Variants in TBX15 observed in about 807,000 individuals in gnomAD.
TBX15 encodes the protein T-box transcription factor 15, also known as T-box transcription factor TBX15.
TBX15 carries 18 observed loss-of-function variants against 53.9 expected under a neutral mutation model. The observed-to-expected ratio is 0.33, with a 90% CI of 0.23 to 0.49. The LOEUF (loss-of-function observed/expected upper bound fraction) is 0.49. TBX15 is among the 20% of genes least tolerant of loss of function. The probability of loss-of-function intolerance (pLI) is 0.98; values close to 1 mark genes in which losing one functional copy is unlikely to be tolerated. For synonymous variants in TBX15, 295 were observed against 278.0 expected, an observed-to-expected ratio of 1.06 and a Z score of -0.61; for missense variants, 692 against 749.5, an observed-to-expected ratio of 0.92 and a Z score of 0.90.
At chr1:118,979,580 C>G (rs2101050969) in intron 1 of TBX15, among the ~76,000 whole-genome samples, 1 of 152,120 alleles carries the variant, frequency 6.6e-6, no homozygotes, top group Admixed American at 6.5e-5. Context: ...GGTGTGAGAC[C>G]CTTGGGTTCC....
intron 1 of TBX15, among the ~76,000 whole-genome samples, chr1:118,962,820 G>C (rs529272577): frequency 6.6e-5 from 10 of 152,252 alleles, no homozygotes; most frequent in African/African-American, 2.2e-4. Flanking sequence ...AGTGAACACT[G>C]ACCATTTAGG....
At position 118,988,283 on chromosome 1, in the gene TBX15, TC is replaced by T. The variant is rs1657913607; in HGVS notation, c.-489del. ...TTTTTTTTCCGCTAAATTCCTCCCTTCCCGAGGAACAGGGGGCAGGCGGTGC... is the reference window on the plus strand; with the variant it reads ...TTTTTTTTCCGCTAAATTCCTCCCTTCCGAGGAACAGGGGGCAGGCGGTGC... On this transcript the variant is annotated 5_prime_UTR_variant, in exon 1 of 8. Coordinates refer to ENST00000369429, the MANE Select transcript of TBX15 (RefSeq NM_001330677.2). 6.5e-6 allele frequency: 1 copy of T among 155,032 alleles called. No homozygotes were observed. Among genetic ancestry groups the T allele is most frequent in the South Asian group, 2.0e-4 (1 of 4,946 alleles). 9.6% of individuals were successfully genotyped at this position (155,032 alleles called of 1,614,324 possible).
In TBX15 at chr1:118,893,416, GGAAA is replaced by G. The variant is rs1298394248; in HGVS notation, c.1024+5608_1024+5611del. Among the ~76,000 whole-genome samples the G allele has an allele frequency of 4.8e-4, 43 of 89,290 alleles. 1 individual carries two copies. Among genetic ancestry groups the G allele is most frequent in the African/African-American group, 1.9e-3 (37 of 19,604 alleles). 58.6% of individuals were successfully genotyped at this position (89,290 alleles called of 152,430 possible). A position where few individuals can be genotyped will look rare whatever the true frequency, so the allele number is the denominator to read the frequency against. Reference sequence around the variant, plus strand: ...AAGAAAGAAAGAAAGAAAGGAAGAAGGAAAGAAAGATGGAAGGAAGGAAGGAAGG... The same window carrying G: ...AAGAAAGAAAGAAAGAAAGGAAGAAGGAAAGATGGAAGGAAGGAAGGAAGG... On this transcript the variant is annotated intron_variant, in intron 7 of 7. Coordinates refer to ENST00000369429, the MANE Select transcript of TBX15 (RefSeq NM_001330677.2).
rs371191582 is a variant in TBX15, at chr1:118,885,368, C to G, written c.1173G>C (p.Leu391=). ...GATAATCAGAGAGGTTTAGATTACA[C>G]AGCTGGCTTTCTCGGCAGCCCACAT... ...TFNVGCRESQ[L]CNLNLSDYPP... is the part of the protein sequence containing the mutation. The change falls in exon 8 of 8, where the codon CTG becomes CTC. Residue 391 remains leucine, a synonymous_variant. Transcript: ENST00000369429. 15 of 1,613,882 alleles carry G rather than the reference C, an allele frequency of 9.3e-6. No individual in the cohort carries two copies. Among genetic ancestry groups the G allele is most frequent in the Non-Finnish European group, 1.2e-5 (14 of 1,180,038 alleles).
intron 1 of TBX15, among the ~76,000 whole-genome samples, chr1:118,980,433 T>C (rs1657609297): frequency 6.6e-6 from 1 of 152,204 alleles, no homozygotes; most frequent in Admixed American, 6.5e-5. Flanking sequence ...GGTTTGTGTT[T>C]TTGTTTTTTA....
intron 1 of TBX15, among the ~76,000 whole-genome samples, chr1:118,950,229 A>C (rs1459348814): frequency 3.3e-5 from 5 of 152,254 alleles, no homozygotes; most frequent in African/African-American, 1.2e-4. Context: ...CTTAGGGTTT[A>C]GGCATATGTG....
chr1:118,973,572 C>A (rs372075921), intron 1 of TBX15, among the ~76,000 whole-genome samples: 25 of 152,096 alleles, frequency 1.6e-4, no homozygotes, highest in African/African-American at 4.8e-4. Context: ...TCAGCACTGG[C>A]CAGCAATGAG....
At chr1:118,923,762 A>G (rs1655503900) in intron 4 of TBX15, among the ~76,000 whole-genome samples, 159 bp from the exon 5 acceptor site, 1 of 152,358 alleles carries the variant, frequency 6.6e-6, no homozygotes. Context: ...CCCAGGAAGA[A>G]CTAAGTGATT....
chr1:118,947,363 C>T (rs1656380313), intron 1 of TBX15, among the ~76,000 whole-genome samples: 1 of 152,204 alleles, frequency 6.6e-6, no homozygotes, highest in East Asian at 1.9e-4. Flanking sequence ...ATACAGTCAA[C>T]TGCATTATTT....
In TBX15 at chr1:118,987,663, C is replaced by G; in HGVS notation, c.133G>C (p.Glu45Gln). ...WEEKGLDLSM[E>Q]ALSPAGPLGD... ...AGTGGGCCCGCGGGGCTCAGCGCCT[C>G]CATAGACAGGTCCAGCCCCTTCTCC... is the stretch of plus-strand genomic sequence containing the variant. Residue 45 changes from glutamate (E) to glutamine (Q), a missense_variant, in exon 1 of 8, where the codon GAG becomes CAG. Glu to Gln is a conservative substitution (Grantham distance 29). Transcript: ENST00000369429. 6.5e-7 allele frequency: 1 copy of G among 1,550,292 alleles called. No individual in the cohort carries two copies. The highest frequency in any genetic ancestry group is 1.2e-5 in the South Asian group (1 of 84,054).
chr1:118,903,689 T>G (rs971101160), intron 6 of TBX15, among the ~76,000 whole-genome samples: 4 of 152,168 alleles, frequency 2.6e-5, no homozygotes, highest in Non-Finnish European at 5.9e-5. Flanking sequence ...GACAGAGGTC[T>G]TGAAGTAATA....
intron 3 of TBX15, among the ~76,000 whole-genome samples, chr1:118,925,472 T>G (rs1168642882): frequency 2.0e-5 from 3 of 152,128 alleles, no homozygotes; most frequent in Non-Finnish European, 4.4e-5. Context: ...GAACACCATC[T>G]TCTACACTAT....
chr1:118,884,601 G>T lies in TBX15; in HGVS notation c.*131C>A, dbSNP rs1444398050. 9.8e-7 allele frequency: 1 copy of T among 1,018,820 alleles called. No individual in the cohort carries two copies. The highest frequency in any genetic ancestry group is 1.4e-6 in the Non-Finnish European group (1 of 717,796). 63.1% of individuals were successfully genotyped at this position (1,018,820 alleles called of 1,614,324 possible). A position where few individuals can be genotyped will look rare whatever the true frequency, so the allele number is the denominator to read the frequency against. On this transcript the variant is annotated 3_prime_UTR_variant, in exon 8 of 8. Transcript: ENST00000369429. ...TCTTGTTCTTGGGTATATGTCTTCGGCCAGAAAAAAAAAAAAAAAAAAAAC... is the reference window on the plus strand; with the variant it reads ...TCTTGTTCTTGGGTATATGTCTTCGTCCAGAAAAAAAAAAAAAAAAAAAAC...
chr1:118,894,725 G>T (rs1035725638), intron 7 of TBX15, among the ~76,000 whole-genome samples: 2 of 152,136 alleles, frequency 1.3e-5, no homozygotes, highest in African/African-American at 4.8e-5. Context: ...CATGGAGAGG[G>T]CACCAGGCTG....
intron 1 of TBX15, among the ~76,000 whole-genome samples, chr1:118,973,630 C>T (rs1017932912): frequency 2.0e-5 from 3 of 152,008 alleles, no homozygotes; most frequent in African/African-American, 7.2e-5. Context: ...AATAGACTGG[C>T]AAAGAAAAAG....
chr1:118,975,188 G>A (rs1657382314), intron 1 of TBX15, among the ~76,000 whole-genome samples: 1 of 152,146 alleles, frequency 6.6e-6, no homozygotes, highest in Non-Finnish European at 1.5e-5. Context: ...AGATTTTTGT[G>A]CATTAAAGTC....
chr1:118,884,745 A>G lies in TBX15; in HGVS notation c.1796T>C (p.Val599Ala), dbSNP rs1466941075. The G allele has an allele frequency of 6.2e-7, 1 of 1,613,852 alleles. No homozygotes were observed. Among genetic ancestry groups the G allele is most frequent in the African/African-American group, 1.3e-5 (1 of 74,868 alleles). Reference sequence around the variant, plus strand: ...TTGGACTGGCCTTTAAACCATGTGCACGGACATCTGGGAGGAGGAGCCTGG... The same window carrying G: ...TTGGACTGGCCTTTAAACCATGTGCGCGGACATCTGGGAGGAGGAGCCTGG... ...AVPGSSSQMS[V>A]HMV Residue 599 changes from valine to alanine, a missense_variant, in exon 8 of 8, where the codon GTG becomes GCG. By Grantham distance (64) the Val-to-Ala change is moderately conservative (BLOSUM62 0). Transcript: ENST00000369429.
At chr1:118,925,656 C>T (rs887038366) in intron 3 of TBX15, among the ~76,000 whole-genome samples, 1 of 152,094 alleles carries the variant, frequency 6.6e-6, no homozygotes, top group Admixed American at 6.6e-5. Flanking sequence ...ATAGAGGCAC[C>T]CAGTCCAAAT....
chr1:118,966,123 A>G (rs190976652), intron 1 of TBX15, among the ~76,000 whole-genome samples: 14 of 152,364 alleles, frequency 9.2e-5, no homozygotes, highest in Admixed American at 9.2e-4. Flanking sequence ...ATCACAGCCT[A>G]TTAGAGAATA....
Sources: allele counts gnomAD v4.1 joint callset (sites outside exome capture counted in the v4.1 genomes callset), GRCh38; gene constraint gnomAD v4.1.1; transcripts MANE v1.5; gene names NCBI Gene and HGNC (gene_info 2026-07-23, HGNC 2026-07-21).